Variants in STN1 observed in about 807,000 individuals in gnomAD.
STN1 encodes STN1 subunit of CST complex.
A neutral mutation model predicts 45.5 loss-of-function variants in STN1; 29 were observed. The ratio of observed to expected loss-of-function variants is 0.64; its 90% confidence interval spans 0.47 to 0.87. STN1 has a LOEUF of 0.87. Ranked by LOEUF, STN1 falls within the 40% of genes least tolerant of loss-of-function variation. STN1 has a pLI of 0.00. For missense variants in STN1, 376 were observed against 441.4 expected (o/e 0.85, Z 1.33); for synonymous variants, 148 against 159.0 (o/e 0.93, Z 0.52).
At chr10:103,900,013 A>T in intron 5 of STN1, 49 bp downstream of exon 5, 1 of 1,584,112 alleles carries the variant, frequency 6.3e-7, no homozygotes. Flanking sequence ...GGTTTACTGG[A>T]CGCACATCCA....
chr10:103,888,327 T>C (rs1843117040), intron 9 of STN1, among the ~76,000 whole-genome samples: 1 of 152,170 alleles, frequency 6.6e-6, no homozygotes, highest in Non-Finnish European at 1.5e-5. Context: ...CCAACACTTC[T>C]TATTATAGTA....
Position 103,892,272 on chromosome 10 carries a change from A to C in STN1, c.754-20T>G. ...ATTCACCTGTAAAGAGAGGAAAAAGAAAAAAGAAAAGAAATAAGTCTCACC... is the reference window on the plus strand; with the variant it reads ...ATTCACCTGTAAAGAGAGGAAAAAGCAAAAAGAAAAGAAATAAGTCTCACC... On this transcript the variant is annotated intron_variant, in intron 7 of 9. Transcript: ENST00000224950. 6.3e-7 allele frequency: 1 copy of C among 1,577,760 alleles called. No homozygotes were observed.
chr10:103,911,518 G>A (rs527869365), intron 2 of STN1, among the ~76,000 whole-genome samples: 1 of 152,098 alleles, frequency 6.6e-6, no homozygotes, highest in Non-Finnish European at 1.5e-5. Flanking sequence ...TCAGAAACAG[G>A]TTATAAACTT....
intron 7 of STN1, among the ~76,000 whole-genome samples, chr10:103,895,193 T>C (rs923483770): frequency 3.3e-5 from 5 of 152,206 alleles, no homozygotes; most frequent in African/African-American, 7.2e-5. Context: ...TATAGTGCCA[T>C]ATTCGATTCT....
intron 2 of STN1, among the ~76,000 whole-genome samples, chr10:103,914,610 C>T (rs909333089): frequency 6.6e-6 from 1 of 151,352 alleles, no homozygotes; most frequent in African/African-American, 2.4e-5. Flanking sequence ...GCCTTGGCCT[C>T]CCAAAGTGCT....
At position 103,914,353 on chromosome 10, in the gene STN1, TATATATATATATA is replaced by T. The variant is rs1172330025; in HGVS notation, c.133+3096_133+3108del. 8.8e-3 allele frequency among the ~76,000 whole-genome samples: 189 copies of T among 21,358 alleles called. 5 individuals carry two copies. The highest frequency in any genetic ancestry group is 0.012 in the Admixed American group (20 of 1,634). The allele number at this position is 21,358 out of a possible 152,430, so 14.0% of individuals were successfully genotyped here. A position where few individuals can be genotyped will look rare whatever the true frequency, so the allele number is the denominator to read the frequency against. The stretch of plus-strand genomic sequence containing the variant: ...AAAAATACATATATATATATATATA[TATATATATATATA>T]TATATATATTTTTTTTTTTTTTTTT... On this transcript the variant is annotated intron_variant, in intron 2 of 9. Transcript: ENST00000224950.
At chr10:103,913,070 T>C (rs927960481) in intron 2 of STN1, among the ~76,000 whole-genome samples, 2 of 152,238 alleles carry the variant, frequency 1.3e-5, no homozygotes, top group Non-Finnish European at 2.9e-5. Flanking sequence ...AAGGAGATCC[T>C]AGCATATACC....
intron 4 of STN1, among the ~76,000 whole-genome samples, chr10:103,900,492 T>C (rs1843201677): frequency 3.9e-5 from 6 of 152,208 alleles, no homozygotes; most frequent in Admixed American, 3.3e-4. Flanking sequence ...CAGGGCCTTC[T>C]TTCCTGCCCT....
rs1843073512 is a variant in STN1 at position 103,882,208 on chromosome 10, C to G, written c.*476G>C. Among the ~76,000 whole-genome samples the G allele has an allele frequency of 6.6e-6, 1 of 152,222 alleles. No homozygotes were observed. Among genetic ancestry groups the G allele is most frequent in the African/African-American group, 2.4e-5 (1 of 41,460 alleles). On this transcript the variant is annotated 3_prime_UTR_variant, in exon 10 of 10. Coordinates refer to ENST00000224950, the MANE Select transcript of STN1 (RefSeq NM_024928.5). ...ATCCAGGGAGAACTACTCCCCTAAA[C>G]CGGTTCTTAGCCAGCAAGAGAGGCC...
rs1312355950 is a variant in STN1, at chr10:103,892,216, G to A, written c.790C>T (p.His264Tyr). ...FKKDTTSKAI[H>Y]SIFKNAIQLL... ...TGTATAGCATTCTTAAATATACTAT[G>A]AATTGCCTTGGAAGTGGTGTCCTTC... is the stretch of plus-strand genomic sequence containing the variant. Residue 264 changes from histidine (H) to tyrosine (Y), a missense_variant, in exon 8 of 10, where the codon CAT (histidine) becomes TAT (tyrosine). His to Tyr is a moderately conservative substitution (Grantham distance 83). Coordinates refer to ENST00000224950, the MANE Select transcript of STN1 (RefSeq NM_024928.5). 1 of 1,604,276 alleles carries A rather than the reference G, an allele frequency of 6.2e-7. No homozygotes were observed. Among genetic ancestry groups the A allele is most frequent in the Admixed American group, 1.7e-5 (1 of 57,540 alleles).
At chr10:103,914,364 A>T (rs1456321883) in intron 2 of STN1, among the ~76,000 whole-genome samples, 1,887 of 8,608 alleles carry the variant, frequency 0.22, 138 homozygotes, top group South Asian at 0.37. Context: ...ATATATATAT[A>T]TATATATATA....
chr10:103,902,782 A>G (rs1007029167), intron 4 of STN1, among the ~76,000 whole-genome samples: 1 of 152,226 alleles, frequency 6.6e-6, no homozygotes, highest in Non-Finnish European at 1.5e-5. Context: ...AACTAAGGGC[A>G]ATTAAATTAA....
In STN1 at chr10:103,879,082, AC is replaced by A. The variant is rs2134351159; in HGVS notation, c.*3601del. ...CTCCCTGGGGGTGTGACTTCTGAGC[AC>A]TTCCAGCCTGCACAGCCTACTAAGA... On this transcript the variant is annotated 3_prime_UTR_variant, in exon 10 of 10. Coordinates refer to ENST00000224950, the MANE Select transcript of STN1 (RefSeq NM_024928.5). The A allele has an allele frequency of 6.6e-6, 1 of 152,310 alleles. No homozygotes were observed. Among genetic ancestry groups the A allele is most frequent in the South Asian group, 2.1e-4 (1 of 4,826 alleles). 9.4% of individuals were successfully genotyped at this position (152,310 alleles called of 1,614,324 possible).
chr10:103,914,202 T>C (rs1419853970), intron 2 of STN1, among the ~76,000 whole-genome samples: 5 of 151,596 alleles, frequency 3.3e-5, no homozygotes, highest in African/African-American at 7.3e-5. Context: ...ACTAGAATAA[T>C]AGGATAAGTA....
chr10:103,892,808 C>T (rs780734951), intron 7 of STN1, among the ~76,000 whole-genome samples: 6 of 152,198 alleles, frequency 3.9e-5, no homozygotes, highest in Admixed American at 2.0e-4. Context: ...GCACAGTCCC[C>T]ACCTAGAAGG....
Position 103,880,929 on chromosome 10 carries a change from C to T in STN1, c.*1755G>A, listed in dbSNP as rs769330567. Among the ~76,000 whole-genome samples the T allele has an allele frequency of 1.3e-5, 2 of 152,046 alleles. No homozygotes were observed. Among genetic ancestry groups the T allele is most frequent in the Non-Finnish European group, 2.9e-5 (2 of 68,014 alleles). On this transcript the variant is annotated 3_prime_UTR_variant, in exon 10 of 10. Coordinates refer to ENST00000224950, the MANE Select transcript of STN1 (RefSeq NM_024928.5). ...CATGTGCTACATTTATAAAGACCTCCATGCAGAAATATACACTCTCTCTAC... is the reference window on the plus strand; with the variant it reads ...CATGTGCTACATTTATAAAGACCTCTATGCAGAAATATACACTCTCTCTAC...
At chr10:103,896,913 T>G (rs1025922858) in intron 7 of STN1, among the ~76,000 whole-genome samples, 1 of 152,118 alleles carries the variant, frequency 6.6e-6, no homozygotes, top group Non-Finnish European at 1.5e-5. Context: ...AGTAGTAGGT[T>G]GTTAGTATTC....
Position 103,882,559 on chromosome 10 carries a change from T to C in STN1, c.*125A>G, listed in dbSNP as rs1843075929. ...AAATCCCATTCCCAAGATGACTATA[T>C]TTTATAGTTTATTATGAGGTAACTG... On this transcript the variant is annotated 3_prime_UTR_variant, in exon 10 of 10. Coordinates refer to ENST00000224950, the MANE Select transcript of STN1 (RefSeq NM_024928.5). 1.0e-6 allele frequency: 1 copy of C among 965,180 alleles called. No individual in the cohort carries two copies. The highest frequency in any genetic ancestry group is 2.7e-5 in the Admixed American group (1 of 36,640). 59.8% of individuals were successfully genotyped at this position (965,180 alleles called of 1,614,324 possible). A position where few individuals can be genotyped will look rare whatever the true frequency, so the allele number is the denominator to read the frequency against.
chr10:103,911,058 T>A (rs1843287409), intron 2 of STN1, among the ~76,000 whole-genome samples: 2 of 150,090 alleles, frequency 1.3e-5, no homozygotes, highest in Non-Finnish European at 3.0e-5. Context: ...AAACCAGTCA[T>A]GATTTCTTTG....
Sources: allele counts gnomAD v4.1 joint callset (sites outside exome capture counted in the v4.1 genomes callset), GRCh38; gene constraint gnomAD v4.1.1; transcripts MANE v1.5; gene names NCBI Gene and HGNC (gene_info 2026-07-23, HGNC 2026-07-21).